COX5A: variants seen among roughly 807,000 people sequenced by gnomAD.
COX5A encodes cytochrome c oxidase subunit 5A, mitochondrial.
A neutral mutation model predicts 16.1 loss-of-function variants in COX5A; 6 were observed. The ratio of observed to expected loss-of-function variants is 0.37; its 90% CI spans 0.20 to 0.73. The LOEUF is 0.73. COX5A is among the 30% of genes least tolerant of loss of function. The probability of loss-of-function intolerance (pLI) is 0.50; values close to 1 mark genes in which losing one functional copy is unlikely to be tolerated. For missense variants in COX5A, 159 were observed against 194.9 expected, an observed-to-expected ratio of 0.82 and a Z score of 1.10; for synonymous variants, 73 against 73.8, an observed-to-expected ratio of 0.99 and a Z score of 0.06.
In COX5A at chr15:74,937,940, G is replaced by A; in HGVS notation, c.75C>T (p.Ser25=). 8.1e-7 allele frequency: 1 copy of A among 1,232,230 alleles called. No individual in the cohort carries two copies. 76.3% of individuals were successfully genotyped at this position (1,232,230 alleles called of 1,614,324 possible). A position where few individuals can be genotyped will look rare whatever the true frequency, so the allele number is the denominator to read the frequency against. ...TRADPRGLLH[S]ARTPGPAVAI... ...CCACGGCGGGGCCGGGGGTCCGGGCGGAGTGCAGGAGGCCTCGAGGGTCGG... is the reference window on the plus strand; with the variant it reads ...CCACGGCGGGGCCGGGGGTCCGGGCAGAGTGCAGGAGGCCTCGAGGGTCGG... Residue 25 remains serine (S), a synonymous_variant, in exon 1 of 5, where the codon TCC becomes TCT. Transcript: ENST00000322347.
Position 74,922,141 on chromosome 15 carries a change from C to T in COX5A, c.*9+1507G>A, listed in dbSNP as rs183435294. On this transcript the variant is annotated intron_variant, in intron 4 of 4. Coordinates refer to ENST00000322347, the MANE Select transcript of COX5A (RefSeq NM_004255.4). ...GTGGCTCATGCCTGTAATCCCAGCACTTTGGGAGGCTGAGGCGGGTGGATC... is the reference window on the plus strand; with the variant it reads ...GTGGCTCATGCCTGTAATCCCAGCATTTTGGGAGGCTGAGGCGGGTGGATC... Among the ~76,000 whole-genome samples, 5 of 152,206 alleles carry T rather than the reference C, an allele frequency of 3.3e-5. No homozygotes were observed. The East Asian group carries it at 9.7e-4, about 29-fold the overall frequency.
rs2065356081 is a variant in COX5A, at chr15:74,929,213, G to A, written c.120C>T (p.Cys40=). The change falls in exon 2 of 5, where the codon TGC becomes TGT. Residue 40 remains cysteine (C), a synonymous_variant. Coordinates refer to ENST00000322347, the MANE Select transcript of COX5A (RefSeq NM_004255.4). ...GPAVAIQSVR[C]YSHGSQETDE... ...CTGTCTCCTGTGACCCATGGGAATA[G>A]CAGCGAACTGACTGGATAGCTATAA... 2 of 1,612,384 alleles carry A rather than the reference G, an allele frequency of 1.2e-6. No individual in the cohort carries two copies. The highest frequency in any genetic ancestry group is 2.2e-5 in the East Asian group (1 of 44,860).
chr15:74,936,459 G>A (rs1160760020), intron 1 of COX5A, among the ~76,000 whole-genome samples: 1 of 151,262 alleles, frequency 6.6e-6, no homozygotes, highest in Non-Finnish European at 1.5e-5. Context: ...AGGCTGAGGT[G>A]GGAGGATCAC....
intron 2 of COX5A, among the ~76,000 whole-genome samples, chr15:74,928,071 T>C (rs2065351443): frequency 6.6e-6 from 1 of 152,222 alleles, no homozygotes. Context: ...AGAATTCTAT[T>C]GGTTGTAGCA....
chr15:74,928,551 AT>A (rs1349990671), intron 2 of COX5A, among the ~76,000 whole-genome samples: 1 of 151,922 alleles, frequency 6.6e-6, no homozygotes, highest in Non-Finnish European at 1.5e-5. Context: ...CGTCCGGCTA[AT>A]TTTTTTGTAT....
chr15:74,925,133 A>C (rs979102188), intron 3 of COX5A, among the ~76,000 whole-genome samples: 1 of 151,912 alleles, frequency 6.6e-6, no homozygotes, highest in Non-Finnish European at 1.5e-5. Context: ...GATCAGCCTG[A>C]CCAACATGGA....
At position 74,920,043 on chromosome 15, in the gene COX5A, G is replaced by C. The variant is rs1595859804; in HGVS notation, c.*409C>G. Reference sequence around the variant, plus strand: ...TTTGATCTATCCCCACAGACAACCAGTCCCCTAAGCCTAGGGTGTCAACAA... The same window carrying C: ...TTTGATCTATCCCCACAGACAACCACTCCCCTAAGCCTAGGGTGTCAACAA... On this transcript the variant is annotated 3_prime_UTR_variant, in exon 5 of 5. Coordinates refer to ENST00000322347, the MANE Select transcript of COX5A (RefSeq NM_004255.4). 2 of 304,894 alleles carry C rather than the reference G, an allele frequency of 6.6e-6. No individual in the cohort carries two copies. Among genetic ancestry groups the C allele is most frequent in the East Asian group, 1.7e-4 (2 of 11,800 alleles). The allele number at this position is 304,894 out of a possible 1,614,324, so 18.9% of individuals were successfully genotyped here.
Position 74,925,603 on chromosome 15 carries a change from G to T in COX5A, c.339+1163C>A, listed in dbSNP as rs1296607070. Among the ~76,000 whole-genome samples the T allele has an allele frequency of 3.3e-5, 5 of 151,876 alleles. No homozygotes were observed. The East Asian group carries it at 9.8e-4, about 30-fold the overall frequency. Reference sequence around the variant, plus strand: ...GGGTTTCTCCATCTTGGTCAGGCTGGTCTCGAACTCTTGACCTCAGGTGAT... The same window carrying T: ...GGGTTTCTCCATCTTGGTCAGGCTGTTCTCGAACTCTTGACCTCAGGTGAT... On this transcript the variant is annotated intron_variant, in intron 3 of 4. Coordinates refer to ENST00000322347, the MANE Select transcript of COX5A (RefSeq NM_004255.4).
chr15:74,929,554 C>T (rs989229388), intron 1 of COX5A, among the ~76,000 whole-genome samples: 1 of 152,134 alleles, frequency 6.6e-6, no homozygotes, highest in Non-Finnish European at 1.5e-5. Context: ...ACTTTATATA[C>T]TTCCATATTG....
intron 1 of COX5A, among the ~76,000 whole-genome samples, chr15:74,935,181 G>A (rs148705529): frequency 0.022 from 3,311 of 152,248 alleles, 58 homozygotes; most frequent in South Asian, 0.041. Flanking sequence ...TGTAATCCCA[G>A]CACTTTGGGA....
rs61417867 is a variant in COX5A, at chr15:74,931,016, C to CAAAAAAAA, written c.101-1792_101-1785dup. On this transcript the variant is annotated intron_variant, in intron 1 of 4. Coordinates refer to ENST00000322347, the MANE Select transcript of COX5A (RefSeq NM_004255.4). The stretch of plus-strand genomic sequence containing the variant: ...TGGGCAACAGAGCGAGACTCTGTCT[C>CAAAAAAAA]AAAAAAAAAAAAAAAAAAAAAAAAA... 8.4e-5 allele frequency among the ~76,000 whole-genome samples: 2 copies of CAAAAAAAA among 23,730 alleles called. 1 individual carries two copies. The highest frequency in any genetic ancestry group is 2.8e-3 in the East Asian group (2 of 724). The allele number at this position is 23,730 out of a possible 152,430, so 15.6% of individuals were successfully genotyped here.
rs2141271672 is a variant in COX5A at position 74,926,856 on chromosome 15, A to G, written c.249T>C (p.Val83=). 1.2e-6 allele frequency: 2 copies of G among 1,613,994 alleles called. No individual in the cohort carries two copies. The highest frequency in any genetic ancestry group is 1.7e-6 in the Non-Finnish European group (2 of 1,179,934). The part of the protein sequence containing the change: ...GINTLVTYDM[V]PEPKIIDAAL... ...CAGCATCAATGATTTTGGGCTCTGGAACCATATCATAGGTAACAAGTGTGT... is the reference window on the plus strand; with the variant it reads ...CAGCATCAATGATTTTGGGCTCTGGGACCATATCATAGGTAACAAGTGTGT... Residue 83 remains valine (V), a synonymous_variant, in exon 3 of 5, where the codon GTT becomes GTC. Coordinates refer to ENST00000322347, the MANE Select transcript of COX5A (RefSeq NM_004255.4).
At chr15:74,937,561 G>A in intron 1 of COX5A, 1 of 201,374 alleles carries the variant, frequency 5.0e-6, no homozygotes, top group Non-Finnish European at 1.0e-5. Flanking sequence ...CCGAGGCGCT[G>A]CAGGCCGGCG....
At chr15:74,923,824 A>G in intron 3 of COX5A, 54 bp from the exon 4 acceptor site, 1 of 1,151,172 alleles carries the variant, frequency 8.7e-7, no homozygotes, top group Non-Finnish European at 1.3e-6. Flanking sequence ...ATGTCTATTA[A>G]TTCATGAAAT....
At chr15:74,935,684 C>T (rs2141275224) in intron 1 of COX5A, among the ~76,000 whole-genome samples, 1 of 151,844 alleles carries the variant, frequency 6.6e-6, no homozygotes, top group East Asian at 1.9e-4. Flanking sequence ...CCTCTGCCTC[C>T]CGGGTTCAAG....
chr15:74,924,858 T>A (rs2065336502), intron 3 of COX5A, among the ~76,000 whole-genome samples: 1 of 152,242 alleles, frequency 6.6e-6, no homozygotes, highest in South Asian at 2.1e-4. Flanking sequence ...AATGTCACAC[T>A]TTTGCTGTTA....
intron 4 of COX5A, among the ~76,000 whole-genome samples, chr15:74,923,308 C>G (rs2065329951): frequency 6.6e-6 from 1 of 151,752 alleles, no homozygotes; most frequent in Non-Finnish European, 1.5e-5. Context: ...GCCTGTAGTC[C>G]CAGCTACTTG....
Position 74,923,571 on chromosome 15 carries a change from CT to C in COX5A, c.*9+76del, listed in dbSNP as rs1459587262. On this transcript the variant is annotated intron_variant, in intron 4 of 4. Coordinates refer to ENST00000322347, the MANE Select transcript of COX5A (RefSeq NM_004255.4). ...CTAACAAGAACACTGAAAGGTCTTA[CT>C]ATAGCACACTGAAATGTCATCCACC... 3 of 813,060 alleles carry C rather than the reference CT, an allele frequency of 3.7e-6. No individual in the cohort carries two copies. The African/African-American group carries it at 5.1e-5, about 14-fold the overall frequency. The allele number at this position is 813,060 out of a possible 1,614,324, so 50.4% of individuals were successfully genotyped here. A position where few individuals can be genotyped will look rare whatever the true frequency, so the allele number is the denominator to read the frequency against.
intron 1 of COX5A, among the ~76,000 whole-genome samples, chr15:74,929,896 GGTGAAACCCC>G (rs1203932606): frequency 6.6e-6 from 1 of 151,398 alleles, no homozygotes; most frequent in Non-Finnish European, 1.5e-5. Context: ...TGGCTAACAC[GGTGAAACCCC>G]GTCTCTACTA....
Sources: allele counts gnomAD v4.1 joint callset (sites outside exome capture counted in the v4.1 genomes callset), GRCh38; gene constraint gnomAD v4.1.1; transcripts MANE v1.5; gene names NCBI Gene and HGNC (gene_info 2026-07-23, HGNC 2026-07-21).